The following PTPRM variants were observed in gnomAD, a reference collection of about 807,000 sequenced individuals.
The protein encoded by PTPRM is protein tyrosine phosphatase receptor type M, also known as receptor-type tyrosine-protein phosphatase mu.
In PTPRM, 47 loss-of-function variants were observed where a neutral mutation model predicts 186.7. The ratio of observed to expected loss-of-function variants is 0.25; its 90% CI spans 0.20 to 0.32. The LOEUF (loss-of-function observed/expected upper bound fraction) is 0.32, where lower values mean the gene tolerates loss of function less well. PTPRM is among the 10% of genes least tolerant of loss of function. The probability of loss-of-function intolerance (pLI) is 1.00; values close to 1 mark genes in which losing one functional copy is unlikely to be tolerated. For synonymous variants in PTPRM, 668 were observed against 674.9 expected (o/e 0.99, Z 0.16); for missense variants, 1,494 against 1,865.0 (o/e 0.80, Z 3.66).
intron 23 of PTPRM, among the ~76,000 whole-genome samples, chr18:8,346,033 T>C (rs1240665987): frequency 6.6e-6 from 1 of 152,184 alleles, no homozygotes; most frequent in Admixed American, 6.5e-5. Context: ...AGAGCAATAT[T>C]TTATATACTA....
Position 7,737,817 on chromosome 18 carries a change from C to T in PTPRM, c.74-36332C>T, listed in dbSNP as rs543423096. On this transcript the variant is annotated intron_variant, in intron 1 of 32. Coordinates refer to ENST00000580170, the MANE Select transcript of PTPRM (RefSeq NM_001105244.2). ...AATGAGACACGCTGAAAACCAAAAC[C>T]TGGATTCTGATAGGCTCTGCTCCTT... Among the ~76,000 whole-genome samples, 39 of 152,302 alleles carry T rather than the reference C, an allele frequency of 2.6e-4. No homozygotes were observed. In the South Asian group the frequency reaches 7.9e-3, roughly 31 times the overall value.
At chr18:8,240,823 AG>A in intron 14 of PTPRM, among the ~76,000 whole-genome samples, 3 of 24,924 alleles carry the variant, frequency 1.2e-4, no homozygotes, top group African/African-American at 4.9e-4. Context: ...AGAGAGAGAG[AG>A]AGAAAGAAAG....
chr18:8,085,509 G>A (rs977092138), intron 9 of PTPRM, among the ~76,000 whole-genome samples, 162 bp from the exon 10 acceptor site: 6 of 152,096 alleles, frequency 3.9e-5, no homozygotes, highest in Non-Finnish European at 8.8e-5. Context: ...CAGCTTTGGC[G>A]GAGTTCCTTC....
At chr18:7,713,793 T>G (rs2040263308) in intron 1 of PTPRM, among the ~76,000 whole-genome samples, 1 of 150,892 alleles carries the variant, frequency 6.6e-6, no homozygotes, top group South Asian at 2.1e-4. Flanking sequence ...CATTACATAA[T>G]GGTAAAGGTA....
intron 7 of PTPRM, among the ~76,000 whole-genome samples, chr18:8,010,871 G>A (rs949312490): frequency 5.9e-5 from 9 of 152,192 alleles, no homozygotes; most frequent in African/African-American, 2.2e-4. Context: ...TGCAGGAGAT[G>A]AAAGACAGGA....
intron 5 of PTPRM, among the ~76,000 whole-genome samples, chr18:7,943,907 T>C (rs1203371967): frequency 1.3e-5 from 2 of 152,186 alleles, no homozygotes; most frequent in African/African-American, 4.8e-5. Context: ...GGTAACATAG[T>C]CCCAGATTCT....
At chr18:7,741,356 C>T (rs1411090956) in intron 1 of PTPRM, 1 of 152,144 alleles carries the variant, frequency 6.6e-6, no homozygotes, top group Admixed American at 6.5e-5. Context: ...TTCATTGAGG[C>T]CAGAGGAGAG....
At chr18:7,937,222 G>T (rs1481108670) in intron 5 of PTPRM, among the ~76,000 whole-genome samples, 1 of 152,224 alleles carries the variant, frequency 6.6e-6, no homozygotes, top group East Asian at 1.9e-4. Context: ...TGGGTGACAA[G>T]AAAGAAGGAG....
intron 1 of PTPRM, among the ~76,000 whole-genome samples, chr18:7,644,384 A>G (rs541676592): frequency 2.0e-5 from 3 of 152,328 alleles, no homozygotes; most frequent in South Asian, 2.1e-4. Flanking sequence ...TCTGTAGAAC[A>G]TGTAAACTGA....
At chr18:7,678,666 A>G (rs553149161) in intron 1 of PTPRM, among the ~76,000 whole-genome samples, 2 of 152,314 alleles carry the variant, frequency 1.3e-5, no homozygotes, top group East Asian at 3.9e-4. Flanking sequence ...AAATGGTATT[A>G]TGTCATACCG....
intron 1 of PTPRM, among the ~76,000 whole-genome samples, chr18:7,618,800 G>A (rs1157688708): frequency 1.3e-5 from 2 of 152,298 alleles, no homozygotes; most frequent in East Asian, 3.9e-4. Context: ...CTGCAGAGGC[G>A]ATAGCTCTGA....
intron 20 of PTPRM, among the ~76,000 whole-genome samples, chr18:8,302,500 G>T (rs997374255): frequency 6.6e-6 from 1 of 151,980 alleles, no homozygotes; most frequent in Non-Finnish European, 1.5e-5. Context: ...GGGTTGGGGG[G>T]GTGTTAATAA....
intron 2 of PTPRM, among the ~76,000 whole-genome samples, chr18:7,808,640 T>C (rs1331405531): frequency 2.6e-5 from 4 of 152,238 alleles, no homozygotes; most frequent in African/African-American, 9.6e-5. Context: ...CTCAATCTTA[T>C]TGTTTGACAA....
At chr18:8,317,686 TG>T (rs1601781274) in intron 21 of PTPRM, among the ~76,000 whole-genome samples, 1 of 152,198 alleles carries the variant, frequency 6.6e-6, no homozygotes, top group East Asian at 1.9e-4. Context: ...AGTCACATCA[TG>T]GAACCAGGGA....
chr18:7,613,417 G>A (rs1313556821), intron 1 of PTPRM, among the ~76,000 whole-genome samples: 3 of 152,174 alleles, frequency 2.0e-5, no homozygotes, highest in African/African-American at 7.2e-5. Flanking sequence ...GCTCACGCCT[G>A]TAATCCCAGC....
At chr18:8,031,969 A>G (rs764438037) in intron 7 of PTPRM, among the ~76,000 whole-genome samples, 5 of 152,230 alleles carry the variant, frequency 3.3e-5, no homozygotes, top group Non-Finnish European at 7.3e-5. Context: ...AAGGATGCAC[A>G]GTTATTCAGT....
intron 2 of PTPRM, among the ~76,000 whole-genome samples, chr18:7,878,303 G>C (rs1175901359): frequency 6.6e-6 from 1 of 152,166 alleles, no homozygotes. Flanking sequence ...ATACTGTGTT[G>C]TTAGTTTAAT....
At chr18:7,903,643 A>T (rs533925411) in intron 3 of PTPRM, among the ~76,000 whole-genome samples, 1 of 152,186 alleles carries the variant, frequency 6.6e-6, no homozygotes, top group Non-Finnish European at 1.5e-5. Flanking sequence ...GTCAGTGGAA[A>T]CTATTTATTA....
chr18:7,657,577 A>G (rs2038880502), intron 1 of PTPRM, among the ~76,000 whole-genome samples: 3 of 152,124 alleles, frequency 2.0e-5, no homozygotes, highest in East Asian at 1.9e-4. Flanking sequence ...CACAAGCTCC[A>G]TTACTCATTT....
Sources: allele counts gnomAD v4.1 joint callset (sites outside exome capture counted in the v4.1 genomes callset), GRCh38; gene constraint gnomAD v4.1.1; transcripts MANE v1.5; gene names NCBI Gene and HGNC (gene_info 2026-07-23, HGNC 2026-07-21).